The following CCDC171 variants were observed in gnomAD, a reference collection of about 807,000 sequenced individuals.
CCDC171 encodes coiled-coil domain-containing protein 171.
Under a neutral mutation model 168.2 loss-of-function variants are expected in CCDC171, and 177 were observed. The ratio of observed to expected loss-of-function variants is 1.05; its 90% confidence interval spans 0.93 to 1.19. The LOEUF (loss-of-function observed/expected upper bound fraction) is 1.19. Among genes scored for constraint, CCDC171 ranks in the 50% most tolerant of loss-of-function variants. CCDC171 has a pLI of 0.00. For synonymous variants in CCDC171, 687 were observed against 540.8 expected, an observed-to-expected ratio of 1.27 and a Z score of -3.75; for missense variants, 1,991 against 1,539.0, an observed-to-expected ratio of 1.29 and a Z score of -4.91.
intron 25 of CCDC171, among the ~76,000 whole-genome samples, chr9:15,922,581 T>TTTC (rs1287593522): frequency 2.0e-5 from 3 of 151,660 alleles, no homozygotes; most frequent in Non-Finnish European, 3.0e-5. Context: ...CCTTTGGATA[T>TTTC]ATACCCAGTT....
rs572044896 is a variant in CCDC171 at position 15,991,645 on chromosome 9, G to T, written n.369-28944G>T. On this transcript the variant is annotated intron_variant and non_coding_transcript_variant, in intron 3 of 9. Coordinates refer to the CCDC171 transcript ENST00000486641. ...AAAAAATCAATGAATCCAGGAGGTG[G>T]TTTTTTGAAAAGATCAACAAAATTG... 4.6e-5 allele frequency among the ~76,000 whole-genome samples: 7 copies of T among 152,202 alleles called. No homozygotes were observed. In the South Asian group the frequency reaches 6.2e-4, roughly 14 times the overall value.
At chr9:15,655,832 G>T (rs867756567) in intron 7 of CCDC171, among the ~76,000 whole-genome samples, 1 of 152,146 alleles carries the variant, frequency 6.6e-6, no homozygotes, top group Non-Finnish European at 1.5e-5. Flanking sequence ...AGTCATTGGG[G>T]CAATGCAAAT....
At position 15,744,663 on chromosome 9, in the gene CCDC171, C is replaced by G. The variant is rs1271413063; in HGVS notation, c.2440C>G (p.Leu814Val). ...TATTGCTGTTTTGGCAGCAAACAGA[C>G]TCAAGATTTTGGGCCAATCATGTGC... ...GVIAVLAANR[L>V]KILGQSCASL... The change falls in exon 17 of 26, where the codon CTC becomes GTC. Residue 814 changes from leucine (L) to valine (V), a missense_variant. Coordinates refer to ENST00000380701, the MANE Select transcript of CCDC171 (RefSeq NM_173550.4). The G allele has an allele frequency of 2.5e-6, 4 of 1,614,172 alleles. No individual in the cohort carries two copies. The highest frequency in any genetic ancestry group is 3.4e-6 in the Non-Finnish European group (4 of 1,180,028).
chr9:15,673,294 C>G (rs565360028), intron 9 of CCDC171, among the ~76,000 whole-genome samples: 2 of 152,326 alleles, frequency 1.3e-5, no homozygotes, highest in South Asian at 4.1e-4. Flanking sequence ...ATGTCATCTG[C>G]AAACAGGGAT....
intron 21 of CCDC171, among the ~76,000 whole-genome samples, chr9:15,803,656 TTACAG>T (rs1218784976): frequency 1.3e-5 from 2 of 152,178 alleles, no homozygotes; most frequent in African/African-American, 4.8e-5. Context: ...GCTGTTTTGA[TTACAG>T]TAGCCCTGTA....
At chr9:15,720,851 C>T (rs2053432128) in intron 11 of CCDC171, among the ~76,000 whole-genome samples, 1 of 152,180 alleles carries the variant, frequency 6.6e-6, no homozygotes, top group African/African-American at 2.4e-5. Flanking sequence ...CCACCCACCC[C>T]ACAACAGGCC....
chr9:15,784,678 T>G lies in CCDC171; in HGVS notation c.3251T>G (p.Leu1084Arg), dbSNP rs751214947. ...GAGGAAGCTGACAAAAACCAAACTCTTGGAGAAGCTGTTAAGGTAAGAGAA... is the reference window on the plus strand; with the variant it reads ...GAGGAAGCTGACAAAAACCAAACTCGTGGAGAAGCTGTTAAGGTAAGAGAA... Reference protein sequence around the residue: ...SSEEADKNQTLGEAVKSLSEA... With the variant: ...SSEEADKNQTRGEAVKSLSEA... Residue 1084 changes from leucine (L) to arginine (R), a missense_variant, in exon 21 of 26, where the codon CTT becomes CGT. Leu to Arg is a moderately radical substitution (Grantham distance 102). Transcript: ENST00000380701. 6.2e-7 allele frequency: 1 copy of G among 1,612,098 alleles called. No individual in the cohort carries two copies. Among genetic ancestry groups the G allele is most frequent in the Non-Finnish European group, 8.5e-7 (1 of 1,178,754 alleles).
At chr9:15,572,330 T>C (rs746262459) in intron 3 of CCDC171, among the ~76,000 whole-genome samples, 6 of 152,202 alleles carry the variant, frequency 3.9e-5, no homozygotes, top group African/African-American at 7.2e-5. Context: ...CTTTTTTCTC[T>C]GATAAGTCTT....
chr9:15,893,984 C>T (rs1239355275), intron 24 of CCDC171, among the ~76,000 whole-genome samples: 1 of 152,042 alleles, frequency 6.6e-6, no homozygotes, highest in Non-Finnish European at 1.5e-5. Flanking sequence ...CACGTATGTT[C>T]GTTGTAGCAC....
chr9:15,842,591 C>G (rs1035848328), intron 21 of CCDC171, among the ~76,000 whole-genome samples: 2 of 151,478 alleles, frequency 1.3e-5, no homozygotes, highest in Non-Finnish European at 3.0e-5. Context: ...GGTTTTTTTT[C>G]TAAAGAATTT....
chr9:15,923,310 A>G (rs1825550039), intron 25 of CCDC171, among the ~76,000 whole-genome samples: 1 of 151,368 alleles, frequency 6.6e-6, no homozygotes, highest in African/African-American at 2.4e-5. Context: ...CATAATAAAT[A>G]CTATTCAGTC....
chr9:15,911,964 T>A (rs754864659), intron 24 of CCDC171, among the ~76,000 whole-genome samples: 1 of 152,234 alleles, frequency 6.6e-6, no homozygotes, highest in Non-Finnish European at 1.5e-5. Context: ...TGTGGTATAG[T>A]TTGAAGTCAG....
chr9:15,560,435 C>CT (rs754406789), intron 1 of CCDC171, among the ~76,000 whole-genome samples: 10 of 152,054 alleles, frequency 6.6e-5, no homozygotes, highest in Non-Finnish European at 7.4e-5. Context: ...TCTTTTTACT[C>CT]TTTTTTCTCT....
chr9:15,786,035 A>G (rs944140365), intron 21 of CCDC171, among the ~76,000 whole-genome samples: 7 of 152,116 alleles, frequency 4.6e-5, no homozygotes, highest in Admixed American at 2.6e-4. Context: ...AGAGGAAAAT[A>G]TAGATGTCCT....
intron 11 of CCDC171, among the ~76,000 whole-genome samples, chr9:15,701,457 A>G (rs968974461): frequency 6.6e-6 from 1 of 151,988 alleles, no homozygotes; most frequent in African/African-American, 2.4e-5. Context: ...CTACATATGG[A>G]TATAATTTCT....
intron 6 of CCDC171, among the ~76,000 whole-genome samples, chr9:15,614,242 TG>T (rs754982760): frequency 2.0e-5 from 3 of 152,214 alleles, no homozygotes; most frequent in Non-Finnish European, 4.4e-5. Context: ...AGGCTATATA[TG>T]TGCCTGGTTC....
At chr9:15,841,814 T>C (rs1588793398) in intron 21 of CCDC171, among the ~76,000 whole-genome samples, 1 of 151,968 alleles carries the variant, frequency 6.6e-6, no homozygotes. Context: ...TACCCGGCCC[T>C]ATTGTAAATT....
chr9:15,608,503 T>C (rs2043386540), intron 6 of CCDC171, among the ~76,000 whole-genome samples: 1 of 152,236 alleles, frequency 6.6e-6, no homozygotes, highest in South Asian at 2.1e-4. Flanking sequence ...AAATAGGATA[T>C]GTGTGAAATT....
chr9:15,737,412 G>T (rs1256607318), intron 16 of CCDC171, among the ~76,000 whole-genome samples: 1 of 152,152 alleles, frequency 6.6e-6, no homozygotes, highest in Admixed American at 6.5e-5. Flanking sequence ...AGGAGGCTTA[G>T]CAGAGGAGAC....
Sources: gnomAD v4.1 joint callset for allele counts (sites outside exome capture counted in the v4.1 genomes callset) on GRCh38, gnomAD v4.1.1 for gene constraint, MANE v1.5 for transcripts, NCBI Gene and HGNC (gene_info 2026-07-23, HGNC 2026-07-21) for gene names.